The following LIPC variants were observed in gnomAD, a reference collection of about 807,000 sequenced individuals.
The protein encoded by LIPC is hepatic triacylglycerol lipase.
In LIPC, 44 loss-of-function variants were observed where a neutral mutation model predicts 50.7. The ratio of observed to expected loss-of-function variants is 0.87; its 90% CI spans 0.68 to 1.11. LIPC has a LOEUF of 1.11. LIPC is among the 50% of genes most tolerant of loss of function. LIPC has a pLI of 0.00. For missense variants in LIPC, 697 were observed against 648.2 expected, an observed-to-expected ratio of 1.08 and a Z score of -0.82; for synonymous variants, 271 against 256.4, an observed-to-expected ratio of 1.06 and a Z score of -0.54.
chr15:58,469,047 T>C (rs1894680277), intron 1 of LIPC, among the ~76,000 whole-genome samples: 1 of 151,986 alleles, frequency 6.6e-6, no homozygotes, highest in Admixed American at 6.6e-5. Flanking sequence ...CATTAAACAT[T>C]AGTTCACCAT....
At chr15:58,554,190 G>C (rs1595948416) in intron 6 of LIPC, among the ~76,000 whole-genome samples, 1 of 152,138 alleles carries the variant, frequency 6.6e-6, no homozygotes, top group Non-Finnish European at 1.5e-5. Flanking sequence ...GGCACCAGCA[G>C]GGTCCACACA....
chr15:58,453,453 T>C (rs1893986024), intron 1 of LIPC, among the ~76,000 whole-genome samples: 1 of 152,160 alleles, frequency 6.6e-6, no homozygotes, highest in Admixed American at 6.5e-5. Flanking sequence ...AGAAGAGAAC[T>C]AAATTATTCT....
At chr15:58,469,102 T>G (rs1296256776) in intron 1 of LIPC, among the ~76,000 whole-genome samples, 1 of 140,720 alleles carries the variant, frequency 7.1e-6, no homozygotes, top group Non-Finnish European at 1.5e-5. Context: ...AGGGAACATT[T>G]TGTGTGTGTG....
Position 58,545,737 on chromosome 15 carries a change from A to AT in LIPC, c.575-3dup, listed in dbSNP as rs754648703. Reference sequence around the variant, plus strand: ...GCGTAACCCTTACCCCTGCTTTCCCATTAGGGCTGGATGCCGCGGGACCTT... The same window carrying AT: ...GCGTAACCCTTACCCCTGCTTTCCCATTTAGGGCTGGATGCCGCGGGACCTT... On this transcript the variant is annotated splice_region_variant and splice_polypyrimidine_tract_variant and intron_variant, in intron 4 of 8. Transcript: ENST00000299022. 6.2e-7 allele frequency: 1 copy of AT among 1,613,842 alleles called. No homozygotes were observed. The highest frequency in any genetic ancestry group is 8.5e-7 in the Non-Finnish European group (1 of 1,179,758).
intron 1 of LIPC, among the ~76,000 whole-genome samples, chr15:58,459,574 C>T (rs1894263886): frequency 6.6e-6 from 1 of 151,926 alleles, no homozygotes. Flanking sequence ...AGAGAGTCCA[C>T]CAGCAAACAG....
intron 6 of LIPC, among the ~76,000 whole-genome samples, chr15:58,555,331 C>G (rs1893900504): frequency 6.6e-6 from 1 of 152,040 alleles, no homozygotes; most frequent in African/African-American, 2.4e-5. Flanking sequence ...GCAGCGATAG[C>G]CCAGGATGGA....
At chr15:58,438,315 A>AG in intron 1 of LIPC, among the ~76,000 whole-genome samples, 1 of 152,116 alleles carries the variant, frequency 6.6e-6, no homozygotes, top group East Asian at 1.9e-4. Context: ...CCCAGGCCTC[A>AG]GCCTGGGTGT....
At chr15:58,565,276 G>A in intron 8 of LIPC, 1 of 1,535,686 alleles carries the variant, frequency 6.5e-7, no homozygotes, top group Non-Finnish European at 8.7e-7. Context: ...GAGCAGCGCT[G>A]CTTCTGAGCT....
At chr15:58,564,939 C>A (rs947608859) in intron 8 of LIPC, among the ~76,000 whole-genome samples, 6 of 152,172 alleles carry the variant, frequency 3.9e-5, no homozygotes, top group African/African-American at 1.4e-4. Flanking sequence ...TCCTCTCCCA[C>A]CTTCACTTGT....
intron 1 of LIPC, among the ~76,000 whole-genome samples, chr15:58,492,398 T>C (rs1308838890): frequency 6.6e-6 from 1 of 152,196 alleles, no homozygotes; most frequent in Non-Finnish European, 1.5e-5. Context: ...ATAAACACAT[T>C]ATAAAGCTGT....
In LIPC at chr15:58,568,008, C is replaced by T. The variant is rs527779112; in HGVS notation, c.1389-708C>T. On this transcript the variant is annotated intron_variant, in intron 8 of 8. Coordinates refer to ENST00000299022, the MANE Select transcript of LIPC (RefSeq NM_000236.3). ...AGTTTAGTGAAGACTTGACCTTAGA[C>T]GCAATTCAAAGAAAAAAGAAGTAAT... Among the ~76,000 whole-genome samples the T allele has an allele frequency of 1.2e-4, 18 of 152,056 alleles. No individual in the cohort carries two copies. In the South Asian group the frequency reaches 2.5e-3, roughly 21 times the overall value.
chr15:58,461,439 C>T (rs1348320120), intron 1 of LIPC, among the ~76,000 whole-genome samples: 1 of 152,228 alleles, frequency 6.6e-6, no homozygotes, highest in Non-Finnish European at 1.5e-5. Context: ...AAGTCTCACT[C>T]TGTCACCAAG....
At chr15:58,489,397 A>C (rs932305721) in intron 1 of LIPC, among the ~76,000 whole-genome samples, 17 of 152,136 alleles carry the variant, frequency 1.1e-4, no homozygotes, top group African/African-American at 3.6e-4. Context: ...TTATTACTCC[A>C]ATCAGTCTCC....
At chr15:58,465,650 G>A (rs182600670) in intron 1 of LIPC, among the ~76,000 whole-genome samples, 3 of 152,274 alleles carry the variant, frequency 2.0e-5, no homozygotes, top group Non-Finnish European at 4.4e-5. Context: ...AAGCAGGTAA[G>A]TACTTGGGTT....
At chr15:58,437,449 C>T (rs185874506) in intron 1 of LIPC, among the ~76,000 whole-genome samples, 40 of 152,214 alleles carry the variant, frequency 2.6e-4, no homozygotes, top group African/African-American at 9.6e-4. Flanking sequence ...ACTGTAGACA[C>T]ATGCTGTATA....
At chr15:58,465,817 T>C (rs757696678) in intron 1 of LIPC, among the ~76,000 whole-genome samples, 11 of 152,140 alleles carry the variant, frequency 7.2e-5, no homozygotes, top group Non-Finnish European at 1.5e-4. Context: ...TCTTCTGTCT[T>C]CTCTACTCTC....
At chr15:58,454,833 C>G (rs1786932327) in intron 1 of LIPC, 1 of 152,364 alleles carries the variant, frequency 6.6e-6, no homozygotes, top group South Asian at 2.1e-4. Flanking sequence ...CCCTCACCCT[C>G]TCACAAAGCC....
At chr15:58,546,950 C>G (rs769265760) in intron 5 of LIPC, among the ~76,000 whole-genome samples, 13 of 151,750 alleles carry the variant, frequency 8.6e-5, no homozygotes, top group Non-Finnish European at 1.6e-4. Flanking sequence ...CCACCTCCCC[C>G]ACTCCAACAC....
chr15:58,507,712 CT>C (rs1892198568), intron 1 of LIPC, among the ~76,000 whole-genome samples: 1 of 152,232 alleles, frequency 6.6e-6, no homozygotes. Flanking sequence ...AAAGCTTCCC[CT>C]TTGCCCTCTG....
Sources: gnomAD v4.1 joint callset for allele counts (sites outside exome capture counted in the v4.1 genomes callset) on GRCh38, gnomAD v4.1.1 for gene constraint, MANE v1.5 for transcripts, NCBI Gene and HGNC (gene_info 2026-07-23, HGNC 2026-07-21) for gene names.